Variants in VIPR2 observed in about 807,000 individuals in gnomAD.
The protein encoded by VIPR2 is vasoactive intestinal polypeptide receptor 2.
A neutral mutation model predicts 58.0 loss-of-function variants in VIPR2; 48 were observed. The observed-to-expected ratio is 0.83, with a 90% CI of 0.66 to 1.05. VIPR2 has a LOEUF of 1.05. Among genes scored for constraint, VIPR2 ranks in the 50% least tolerant of loss-of-function variants. The probability of loss-of-function intolerance (pLI) is 0.00; values close to 1 mark genes in which losing one functional copy is unlikely to be tolerated. For synonymous variants in VIPR2, 243 were observed against 235.2 expected (o/e 1.03, Z -0.30); for missense variants, 534 against 558.0 (o/e 0.96, Z 0.43).
chr7:159,091,964 C>T (rs1313286876), intron 4 of VIPR2, among the ~76,000 whole-genome samples: 5 of 152,184 alleles, frequency 3.3e-5, no homozygotes, highest in Non-Finnish European at 5.9e-5. Context: ...TGGTGGCGCA[C>T]GTCTGTAGTC....
At chr7:159,144,409 C>T in intron 1 of VIPR2, 6 of 1,546,840 alleles carry the variant, frequency 3.9e-6, no homozygotes, top group East Asian at 2.5e-5. Flanking sequence ...CCGGGACGGC[C>T]CCGAACGAGC....
chr7:159,081,199 A>G (rs1477057248), intron 4 of VIPR2, among the ~76,000 whole-genome samples: 1 of 152,132 alleles, frequency 6.6e-6, no homozygotes, highest in Admixed American at 6.6e-5. Flanking sequence ...GAGGCATCAC[A>G]CTACCTGACT....
intron 4 of VIPR2, among the ~76,000 whole-genome samples, chr7:159,060,632 T>TACCC (rs1855594642): frequency 6.6e-6 from 1 of 150,988 alleles, no homozygotes; most frequent in Non-Finnish European, 1.5e-5. Context: ...TCCCTTCACT[T>TACCC]ACCCACCACC....
intron 2 of VIPR2, among the ~76,000 whole-genome samples, chr7:159,129,708 G>T (rs1475814833): frequency 1.5e-5 from 2 of 137,418 alleles, no homozygotes; most frequent in East Asian, 4.7e-4. Flanking sequence ...TTCACACTCT[G>T]TTCCCTCAAA....
chr7:159,112,062 T>C (rs1796030121), intron 2 of VIPR2, among the ~76,000 whole-genome samples: 1 of 152,246 alleles, frequency 6.6e-6, no homozygotes, highest in Non-Finnish European at 1.5e-5. Context: ...TAATACATAA[T>C]ACAAATTATA....
chr7:159,139,406 T>C (rs1194347524), intron 2 of VIPR2, among the ~76,000 whole-genome samples: 1 of 152,176 alleles, frequency 6.6e-6, no homozygotes, highest in Non-Finnish European at 1.5e-5. Flanking sequence ...ACGCAGCTCA[T>C]GATGCCTGCT....
In VIPR2 at chr7:159,138,287, G is replaced by A. The variant is rs150936790; in HGVS notation, c.151+4159C>T. ...TCTGACAAAGAGAAACAAGCAAGAA[G>A]GGGTTAGGTGTAAAATGGGTTGTGA... On this transcript the variant is annotated intron_variant, in intron 2 of 12. Coordinates refer to ENST00000262178, the MANE Select transcript of VIPR2 (RefSeq NM_003382.5). Among the ~76,000 whole-genome samples, 235 of 152,372 alleles carry A rather than the reference G, an allele frequency of 1.5e-3. 2 individuals are homozygous for A. Among genetic ancestry groups the A allele is most frequent in the African/African-American group, 5.3e-3 (219 of 41,602 alleles).
In VIPR2 at chr7:159,128,348, A is replaced by G. The variant is rs1291602845; in HGVS notation, c.151+14098T>C. Among the ~76,000 whole-genome samples the G allele has an allele frequency of 6.6e-6, 1 of 152,186 alleles. No individual in the cohort carries two copies. The highest frequency in any genetic ancestry group is 2.4e-5 in the African/African-American group (1 of 41,450). On this transcript the variant is annotated intron_variant, in intron 2 of 12. Transcript: ENST00000262178. The surrounding 1 kb of genome is among the most constrained non-coding windows in gnomAD (Gnocchi z 4.1). ...CACCCTGGAGCAGTTCTGAGCCTGC[A>G]GTGGTCTCCTTGTGCCCCCAGGTGC...
At chr7:159,116,458 C>T (rs555699788) in intron 2 of VIPR2, among the ~76,000 whole-genome samples, 9 of 152,040 alleles carry the variant, frequency 5.9e-5, no homozygotes, top group Non-Finnish European at 1.0e-4. Flanking sequence ...GGGCAGTGAC[C>T]GGTGGTCAGT....
intron 4 of VIPR2, among the ~76,000 whole-genome samples, chr7:159,101,131 T>C (rs1413911660): frequency 6.9e-6 from 1 of 144,788 alleles, no homozygotes; most frequent in Non-Finnish European, 1.5e-5. Flanking sequence ...GTTCCTGTGG[T>C]AGTGAATGAG....
chr7:159,128,668 C>T lies in VIPR2; in HGVS notation c.151+13778G>A, dbSNP rs1796746845. 6.6e-6 allele frequency among the ~76,000 whole-genome samples: 1 copy of T among 152,232 alleles called. No homozygotes were observed. Among genetic ancestry groups the T allele is most frequent in the Non-Finnish European group, 1.5e-5 (1 of 68,044 alleles). On this transcript the variant is annotated intron_variant, in intron 2 of 12. Transcript: ENST00000262178. This position sits in a 1 kb window ranked among gnomAD's most constrained non-coding sequence, Gnocchi z 4.1. ...TTACCACGAGGGCATCTCCATCTCCCACCTGGAGGAACTCGATCAATGAGT... is the reference window on the plus strand; with the variant it reads ...TTACCACGAGGGCATCTCCATCTCCTACCTGGAGGAACTCGATCAATGAGT...
Position 159,097,952 on chromosome 7 carries a change from C to A in VIPR2, c.357+5805G>T, listed in dbSNP as rs1356236006. ...CCAACTGGCACCAGCTGGGAACGTG[C>A]TGGAAAGGCAGGGTCTCAGCCCCCA... is the stretch of plus-strand genomic sequence containing the variant. On this transcript the variant is annotated intron_variant, in intron 4 of 12. Coordinates refer to ENST00000262178, the MANE Select transcript of VIPR2 (RefSeq NM_003382.5). The surrounding 1 kb of genome is among the most constrained non-coding windows in gnomAD (Gnocchi z 5.3). Among the ~76,000 whole-genome samples the A allele has an allele frequency of 6.6e-6, 1 of 152,170 alleles. No individual in the cohort carries two copies. Among genetic ancestry groups the A allele is most frequent in the Non-Finnish European group, 1.5e-5 (1 of 68,026 alleles).
chr7:159,070,113 G>A (rs529977347), intron 4 of VIPR2, among the ~76,000 whole-genome samples: 36 of 152,308 alleles, frequency 2.4e-4, no homozygotes, highest in Non-Finnish European at 4.0e-4. Context: ...CTTCTGTACC[G>A]AGGGTAAAAA....
At position 159,037,106 on chromosome 7, in the gene VIPR2, C is replaced by T. The variant is rs141910017; in HGVS notation, c.598-204G>A. 3.7e-3 allele frequency among the ~76,000 whole-genome samples: 564 copies of T among 152,288 alleles called. 2 individuals carry two copies. The highest frequency in any genetic ancestry group is 4.8e-3 in the Non-Finnish European group (325 of 68,010). ...CTGGTGGCACTGGGACCTTTGTATC[C>T]GCGGCTCCAGAGGAGGATCACTGCA... is the stretch of plus-strand genomic sequence containing the variant. On this transcript the variant is annotated intron_variant, in intron 6 of 12. Coordinates refer to ENST00000262178, the MANE Select transcript of VIPR2 (RefSeq NM_003382.5).
Position 159,144,767 on chromosome 7 carries a change from C to T in VIPR2, c.5G>A (p.Arg2Gln), listed in dbSNP as rs1797624078. The change falls in exon 1 of 13, where the codon CGG becomes CAG. Residue 2 changes from arginine to glutamine, a missense_variant. Around this residue, in one of 3 missense-constraint regions of VIPR2, gnomAD observed 224 missense variants for 255.7 expected, o/e 0.88. Transcript: ENST00000262178. ...CAGCAGCGCGGGAGGCAGCAGCGTC[C>T]GCATCCCGAGCTCAGCGTGCCGGGG... The part of the protein sequence containing the change: M[R>Q]TLLPPALLTC... 4.8e-6 allele frequency: 6 copies of T among 1,258,336 alleles called. No individual in the cohort carries two copies. Among genetic ancestry groups the T allele is most frequent in the East Asian group, 3.2e-5 (1 of 31,736 alleles). 77.9% of individuals were successfully genotyped at this position (1,258,336 alleles called of 1,614,324 possible).
chr7:159,128,872 T>G lies in VIPR2; in HGVS notation c.151+13574A>C, dbSNP rs929542360. Among the ~76,000 whole-genome samples, 5 of 152,208 alleles carry G rather than the reference T, an allele frequency of 3.3e-5. No homozygotes were observed. Among genetic ancestry groups the G allele is most frequent in the African/African-American group, 9.6e-5 (4 of 41,460 alleles). ...TGCTCCCTCCTTCCCTCCCTGCGGC[T>G]GAGCTCAGTCCTGACACAGGCTTCT... On this transcript the variant is annotated intron_variant, in intron 2 of 12. Transcript: ENST00000262178. This position sits in a 1 kb window ranked among gnomAD's most constrained non-coding sequence, Gnocchi z 4.1.
chr7:159,063,106 G>A (rs536073454), intron 4 of VIPR2, among the ~76,000 whole-genome samples: 4 of 152,226 alleles, frequency 2.6e-5, no homozygotes, highest in African/African-American at 7.2e-5. Context: ...GCACCGGGCC[G>A]CAGGCGGAGC....
intron 8 of VIPR2, 174 bp downstream of exon 8, chr7:159,035,778 C>T: frequency 1.1e-5 from 11 of 985,472 alleles, no homozygotes; most frequent in Non-Finnish European, 1.3e-5. Flanking sequence ...TCCAACACTC[C>T]AACCTCACAG....
Position 159,096,759 on chromosome 7 carries a change from C to A in VIPR2, c.357+6998G>T. 2 of 1,402,070 alleles carry A rather than the reference C, an allele frequency of 1.4e-6. No individual in the cohort carries two copies. Among genetic ancestry groups the A allele is most frequent in the East Asian group, 2.6e-5 (1 of 39,132 alleles). The allele number at this position is 1,402,070 out of a possible 1,614,324, so 86.9% of individuals were successfully genotyped here. On this transcript the variant is annotated intron_variant, in intron 4 of 12. Transcript: ENST00000262178. The surrounding 1 kb of genome is among the most constrained non-coding windows in gnomAD (Gnocchi z 5.5). ...CAGCTGAATGATTTCTGCCTGTGGC[C>A]AGATTTCTGCCCCTGCCTGAGGTCA...
Sources: allele counts gnomAD v4.1 joint callset (sites outside exome capture counted in the v4.1 genomes callset), GRCh38; gene constraint gnomAD v4.1.1; regional missense constraint gnomAD v4.1.1; non-coding constraint Gnocchi (gnomAD v3.1); transcripts MANE v1.5; gene names NCBI Gene and HGNC (gene_info 2026-07-23, HGNC 2026-07-21).